DGKB: variants seen among roughly 807,000 people sequenced by gnomAD.
DGKB encodes the protein 90 kDa diacylglycerol kinase.
DGKB carries 67 observed loss-of-function variants against 114.3 expected under a neutral mutation model. The observed-to-expected ratio is 0.59, with a 90% CI of 0.48 to 0.72. The LOEUF is 0.72. Ranked by LOEUF, DGKB falls within the 30% of genes least tolerant of loss-of-function variation. The pLI, the probability that DGKB is intolerant of heterozygous loss-of-function variation, is 0.00. For missense variants in DGKB, 907 were observed against 975.2 expected, an observed-to-expected ratio of 0.93 and a Z score of 0.93; for synonymous variants, 398 against 323.1, an observed-to-expected ratio of 1.23 and a Z score of -2.49.
intron 13 of DGKB, among the ~76,000 whole-genome samples, chr7:14,667,928 CACA>C (rs1343595762): frequency 1.3e-5 from 2 of 152,018 alleles, no homozygotes; most frequent in African/African-American, 2.4e-5. Context: ...AAGGGCTTGA[CACA>C]ACAAGTGCAC....
Position 14,710,369 on chromosome 7 carries a change from G to C in DGKB, c.466+8173C>G, listed in dbSNP as rs186956515. On this transcript the variant is annotated intron_variant, in intron 6 of 25. Coordinates refer to ENST00000402815, the MANE Select transcript of DGKB (RefSeq NM_001350709.2). The stretch of plus-strand genomic sequence containing the variant: ...TTTTTATTTCTACCTTGTAGGCATA[G>C]ATCTTGCTAAACACACTTATTAATT... Among the ~76,000 whole-genome samples the C allele has an allele frequency of 5.9e-4, 90 of 152,164 alleles. 1 individual carries two copies. Among genetic ancestry groups the C allele is most frequent in the African/African-American group, 2.0e-3 (84 of 41,556 alleles).
chr7:14,148,413 A>C lies in DGKB; in HGVS notation c.*718T>G, dbSNP rs937648063. 2.0e-5 allele frequency: 3 copies of C among 152,624 alleles called. No individual in the cohort carries two copies. The highest frequency in any genetic ancestry group is 6.6e-5 in the Admixed American group (1 of 15,248). The allele number at this position is 152,624 out of a possible 1,614,324, so 9.5% of individuals were successfully genotyped here. On this transcript the variant is annotated 3_prime_UTR_variant, in exon 26 of 26. Transcript: ENST00000402815. Reference sequence around the variant, plus strand: ...TTCTCTCCTAGATTCTCATGCAGAAAGGAACAAGGCTTGCCATATTACCAC... The same window carrying C: ...TTCTCTCCTAGATTCTCATGCAGAACGGAACAAGGCTTGCCATATTACCAC...
chr7:14,177,872 C>A (rs1374172973), intron 24 of DGKB, among the ~76,000 whole-genome samples, 159 bp downstream of exon 24: 1 of 152,108 alleles, frequency 6.6e-6, no homozygotes, highest in Non-Finnish European at 1.5e-5. Flanking sequence ...ATATTTTAGA[C>A]AATCTGCCAA....
At chr7:14,180,440 TCTG>T (rs917038968) in intron 23 of DGKB, among the ~76,000 whole-genome samples, 4 of 152,194 alleles carry the variant, frequency 2.6e-5, no homozygotes, top group African/African-American at 9.7e-5. Context: ...GAAAATCAAT[TCTG>T]CTGTTAATAA....
chr7:14,184,534 A>G (rs1024081112), intron 23 of DGKB, among the ~76,000 whole-genome samples: 3 of 152,078 alleles, frequency 2.0e-5, no homozygotes, highest in Middle Eastern at 6.8e-3. Flanking sequence ...AACCTGCATG[A>G]CTCAGCAGAG....
At chr7:14,629,455 A>G (rs1809274389) in intron 14 of DGKB, among the ~76,000 whole-genome samples, 1 of 152,048 alleles carries the variant, frequency 6.6e-6, no homozygotes, top group Admixed American at 6.6e-5. Context: ...ACACTTTTTT[A>G]CAAACATGTT....
At chr7:14,600,529 A>C (rs1803353682) in intron 17 of DGKB, among the ~76,000 whole-genome samples, 1 of 151,984 alleles carries the variant, frequency 6.6e-6, no homozygotes, top group Non-Finnish European at 1.5e-5. Flanking sequence ...CAGAGTTACC[A>C]CTCCAGGTAC....
intron 21 of DGKB, among the ~76,000 whole-genome samples, chr7:14,370,841 C>T (rs1243922987): frequency 6.6e-6 from 1 of 152,062 alleles, no homozygotes; most frequent in African/African-American, 2.4e-5. Flanking sequence ...CTAGTAGTCT[C>T]CAATGTCTAT....
At chr7:14,398,373 G>A (rs942980997) in intron 21 of DGKB, among the ~76,000 whole-genome samples, 3 of 151,972 alleles carry the variant, frequency 2.0e-5, no homozygotes, top group Admixed American at 2.0e-4. Context: ...ACATCAGTAG[G>A]ATCTGTATAT....
intron 23 of DGKB, among the ~76,000 whole-genome samples, chr7:14,294,547 T>C (rs1226626238): frequency 1.3e-5 from 2 of 152,160 alleles, no homozygotes; most frequent in African/African-American, 4.8e-5. Context: ...CAGTATAAGG[T>C]GAGAGAAACA....
At chr7:14,612,904 T>C (rs1189583702) in intron 16 of DGKB, among the ~76,000 whole-genome samples, 1 of 152,132 alleles carries the variant, frequency 6.6e-6, no homozygotes, top group African/African-American at 2.4e-5. Flanking sequence ...CTCCAGGAAA[T>C]ATGGCATCAT....
At chr7:14,754,072 G>C in intron 3 of DGKB, 124 bp from the exon 4 acceptor site, 1 of 630,558 alleles carries the variant, frequency 1.6e-6, no homozygotes, top group African/African-American at 1.9e-5. Flanking sequence ...ACACACCCTA[G>C]ATCCATAGGC....
At chr7:14,890,199 G>A (rs1587228291) in intron 1 of DGKB, among the ~76,000 whole-genome samples, 1 of 151,406 alleles carries the variant, frequency 6.6e-6, no homozygotes, top group African/African-American at 2.4e-5. Flanking sequence ...TATTTTTTAG[G>A]TCACAGCTAA....
intron 20 of DGKB, among the ~76,000 whole-genome samples, chr7:14,511,872 C>T (rs1259863820): frequency 6.6e-6 from 1 of 152,138 alleles, no homozygotes; most frequent in Non-Finnish European, 1.5e-5. Context: ...AGAGGAATGG[C>T]TGCAGCTTCT....
chr7:14,272,678 G>A (rs892947945), intron 23 of DGKB, among the ~76,000 whole-genome samples: 3 of 151,998 alleles, frequency 2.0e-5, no homozygotes, highest in African/African-American at 7.2e-5. Context: ...TTTTCTCATA[G>A]ACCCATTAGT....
chr7:14,714,907 G>C (rs1422360278), intron 6 of DGKB, among the ~76,000 whole-genome samples: 3 of 152,170 alleles, frequency 2.0e-5, no homozygotes, highest in Admixed American at 6.5e-5. Context: ...AAGTGGGCAA[G>C]AGTAAAACAG....
chr7:14,576,818 G>C lies in DGKB; in HGVS notation c.1610-2446C>G, dbSNP rs116423990. On this transcript the variant is annotated intron_variant, in intron 19 of 25. Coordinates refer to ENST00000402815, the MANE Select transcript of DGKB (RefSeq NM_001350709.2). ...TCTTTACCACTGGATATGTGTGTAGGGATTTTTATGACTAAACATGAAAAA... is the reference window on the plus strand; with the variant it reads ...TCTTTACCACTGGATATGTGTGTAGCGATTTTTATGACTAAACATGAAAAA... Among the ~76,000 whole-genome samples the C allele has an allele frequency of 4.0e-3, 604 of 152,164 alleles. 5 individuals are homozygous for C. The highest frequency in any genetic ancestry group is 0.014 in the African/African-American group (589 of 41,524).
intron 20 of DGKB, among the ~76,000 whole-genome samples, chr7:14,480,270 T>C (rs925859603): frequency 9.9e-5 from 15 of 152,124 alleles, no homozygotes; most frequent in Non-Finnish European, 2.1e-4. Context: ...ATCTTCAAGA[T>C]ACTTGGGCAA....
At chr7:14,779,127 G>C (rs917955197) in intron 2 of DGKB, among the ~76,000 whole-genome samples, 5 of 152,190 alleles carry the variant, frequency 3.3e-5, no homozygotes, top group Non-Finnish European at 5.9e-5. Context: ...CTGCTCTCCA[G>C]CCTGGGAGAC....
Sources: allele counts gnomAD v4.1 joint callset (sites outside exome capture counted in the v4.1 genomes callset), GRCh38; gene constraint gnomAD v4.1.1; transcripts MANE v1.5; gene names NCBI Gene and HGNC (gene_info 2026-07-23, HGNC 2026-07-21).